The following NRXN3 variants were observed in gnomAD, a reference collection of about 807,000 sequenced individuals.
NRXN3 encodes neurexin III.
A neutral mutation model predicts 137.6 loss-of-function variants in NRXN3; 32 were observed. The ratio of observed to expected loss-of-function variants is 0.23; its 90% CI spans 0.18 to 0.31. NRXN3 has a LOEUF of 0.31. Among genes scored for constraint, NRXN3 ranks in the 10% least tolerant of loss-of-function variants. The probability of loss-of-function intolerance (pLI) is 1.00; values close to 1 mark genes in which losing one functional copy is unlikely to be tolerated. For missense variants in NRXN3, 1,574 were observed against 2,062.5 expected, an observed-to-expected ratio of 0.76 and a Z score of 4.59; for synonymous variants, 798 against 784.5, an observed-to-expected ratio of 1.02 and a Z score of -0.29.
At chr14:79,265,398 C>A (rs1269917131) in intron 15 of NRXN3, among the ~76,000 whole-genome samples, 3 of 151,754 alleles carry the variant, frequency 2.0e-5, no homozygotes, top group African/African-American at 7.3e-5. Flanking sequence ...CTGAGTAATT[C>A]CCGAAGCAAC....
chr14:78,997,869 G>A (rs79781789), intron 15 of NRXN3, among the ~76,000 whole-genome samples: 1,801 of 152,192 alleles, frequency 0.012, 24 homozygotes, highest in African/African-American at 0.041. Context: ...GTCTCTTCTG[G>A]AGTATATATA....
At chr14:78,294,555 CAAAAAAAAAAAAAA>C (rs199592742) in intron 3 of NRXN3, among the ~76,000 whole-genome samples, 116 of 106,442 alleles carry the variant, frequency 1.1e-3, no homozygotes, top group Non-Finnish European at 1.8e-3. Context: ...GATTCCGTCT[CAAAAAAAAAAAAAA>C]AAAAAAAAAA....
chr14:79,699,584 G>C (rs1248495772), intron 19 of NRXN3, among the ~76,000 whole-genome samples: 1 of 151,984 alleles, frequency 6.6e-6, no homozygotes, highest in East Asian at 1.9e-4. Context: ...ACATAAATGG[G>C]AATAAACTGG....
chr14:79,460,386 CT>C (rs755835625), intron 15 of NRXN3, among the ~76,000 whole-genome samples: 2 of 151,970 alleles, frequency 1.3e-5, no homozygotes, highest in Admixed American at 6.6e-5. Context: ...TAGTGGTAGA[CT>C]TTTTTTTATT....
At chr14:79,644,746 A>T (rs2098446442) in intron 16 of NRXN3, among the ~76,000 whole-genome samples, 2 of 135,880 alleles carry the variant, frequency 1.5e-5, no homozygotes, top group African/African-American at 4.9e-5. Flanking sequence ...GTCAATAATT[A>T]TTGTAGTGCA....
chr14:78,653,710 TACAC>T lies in NRXN3; in HGVS notation c.1221+2414_1221+2417del, dbSNP rs10650669. On this transcript the variant is annotated intron_variant, in intron 6 of 20. Transcript: ENST00000335750. ...CATGTGGAAACAAAAGAAAATAAAA[TACAC>T]ACACACACACACACACACACACACA... 9.4e-3 allele frequency among the ~76,000 whole-genome samples: 1,351 copies of T among 142,990 alleles called. 54 individuals carry two copies. The highest frequency in any genetic ancestry group is 0.063 in the Admixed American group (895 of 14,310). The allele number at this position is 142,990 out of a possible 152,430, so 93.8% of individuals were successfully genotyped here.
chr14:78,919,441 G>C (rs1231837730), intron 10 of NRXN3, among the ~76,000 whole-genome samples: 1 of 152,156 alleles, frequency 6.6e-6, no homozygotes, highest in African/African-American at 2.4e-5. Context: ...AATTACACAA[G>C]TGGAGAAGAA....
At chr14:79,040,536 G>A (rs949400881) in intron 15 of NRXN3, among the ~76,000 whole-genome samples, 1 of 152,136 alleles carries the variant, frequency 6.6e-6, no homozygotes, top group African/African-American at 2.4e-5. Flanking sequence ...AGTGGGGAAA[G>A]CATTCTTGGA....
intron 15 of NRXN3, among the ~76,000 whole-genome samples, chr14:79,353,810 T>C (rs2093320951): frequency 6.6e-6 from 1 of 152,172 alleles, no homozygotes; most frequent in Non-Finnish European, 1.5e-5. Context: ...TAGTCACTTG[T>C]ATTACTGTTG....
chr14:78,863,088 A>T (rs1479432311), intron 10 of NRXN3, among the ~76,000 whole-genome samples: 1 of 152,154 alleles, frequency 6.6e-6, no homozygotes, highest in African/African-American at 2.4e-5. Context: ...AAGATGCAGG[A>T]TGATGAAGTC....
At chr14:78,661,512 G>T (rs1482849233) in intron 6 of NRXN3, among the ~76,000 whole-genome samples, 1 of 152,220 alleles carries the variant, frequency 6.6e-6, no homozygotes, top group Non-Finnish European at 1.5e-5. Context: ...TTATATTAAG[G>T]ACTTGAAGAG....
chr14:78,941,136 G>GA (rs1255635855), intron 10 of NRXN3, among the ~76,000 whole-genome samples: 10 of 152,116 alleles, frequency 6.6e-5, no homozygotes, highest in East Asian at 1.9e-4. Context: ...ACTAGATTCT[G>GA]AAAAAAATAG....
chr14:78,616,958 T>C (rs2097352822), intron 4 of NRXN3, among the ~76,000 whole-genome samples: 1 of 152,170 alleles, frequency 6.6e-6, no homozygotes, highest in South Asian at 2.1e-4. Context: ...CCAAGTTGCA[T>C]TATCGACTTC....
intron 15 of NRXN3, among the ~76,000 whole-genome samples, chr14:79,286,150 C>T (rs2082215838): frequency 6.6e-6 from 1 of 152,150 alleles, no homozygotes; most frequent in Non-Finnish European, 1.5e-5. Context: ...TTCTGTCTGA[C>T]TGCAGACACA....
intron 10 of NRXN3, among the ~76,000 whole-genome samples, chr14:78,921,021 CT>C (rs2099269589): frequency 6.6e-6 from 1 of 152,200 alleles, no homozygotes; most frequent in African/African-American, 2.4e-5. Flanking sequence ...ATCTCCAGCC[CT>C]TCTCTCCAAC....
intron 19 of NRXN3, among the ~76,000 whole-genome samples, chr14:79,799,305 C>T (rs1290463165): frequency 1.3e-5 from 2 of 152,078 alleles, no homozygotes. Context: ...TATATAGGGG[C>T]AGAGGAATAT....
At chr14:79,435,593 TAC>T (rs35554281) in intron 15 of NRXN3, among the ~76,000 whole-genome samples, 2,455 of 143,868 alleles carry the variant, frequency 0.017, 39 homozygotes, top group African/African-American at 0.047. Context: ...AACACTAAGA[TAC>T]ACACACACAC....
intron 20 of NRXN3, among the ~76,000 whole-genome samples, chr14:79,816,467 A>T (rs1331177747): frequency 1.3e-5 from 2 of 152,132 alleles, no homozygotes; most frequent in Non-Finnish European, 2.9e-5. Context: ...ACTCCTGATT[A>T]CTCTGTTTGT....
At chr14:79,753,556 T>C (rs921928669) in intron 19 of NRXN3, among the ~76,000 whole-genome samples, 4 of 103,010 alleles carry the variant, frequency 3.9e-5, no homozygotes, top group Admixed American at 2.9e-4. Flanking sequence ...AACATCACAC[T>C]CTGGGGACTG....
Sources: allele counts gnomAD v4.1 joint callset (sites outside exome capture counted in the v4.1 genomes callset), GRCh38; gene constraint gnomAD v4.1.1; transcripts MANE v1.5; gene names NCBI Gene and HGNC (gene_info 2026-07-23, HGNC 2026-07-21).